LRRIQ1: variants seen among roughly 807,000 people sequenced by gnomAD.
LRRIQ1 encodes the protein leucine rich repeats and IQ motif containing 1, also known as leucine-rich repeat- and IQ domain-containing protein 1.
LRRIQ1 carries 210 observed loss-of-function variants against 211.9 expected under a neutral mutation model. The ratio of observed to expected loss-of-function variants is 0.99; its 90% CI spans 0.89 to 1.11. LRRIQ1 has a LOEUF of 1.11. Among genes scored for constraint, LRRIQ1 ranks in the 50% most tolerant of loss-of-function variants. The pLI, the probability that LRRIQ1 is intolerant of heterozygous loss-of-function variation, is 0.00. For missense variants in LRRIQ1, 2,136 were observed against 1,939.5 expected (o/e 1.10, Z -1.90); for synonymous variants, 699 against 650.1 (o/e 1.08, Z -1.14).
chr12:85,066,044 A>G (rs1882394273), intron 9 of LRRIQ1, among the ~76,000 whole-genome samples: 1 of 151,898 alleles, frequency 6.6e-6, no homozygotes, highest in African/African-American at 2.4e-5. Flanking sequence ...TTTATTGGCT[A>G]AGCCCTGAGG....
chr12:85,179,263 ACAAGCACTAC>A (rs1192419108), intron 24 of LRRIQ1, among the ~76,000 whole-genome samples: 2 of 151,966 alleles, frequency 1.3e-5, no homozygotes, highest in Non-Finnish European at 2.9e-5. Flanking sequence ...TTCCCTAAAT[ACAAGCACTAC>A]CTTCACATAT....
At chr12:85,066,476 T>C (rs888164172) in intron 9 of LRRIQ1, among the ~76,000 whole-genome samples, 1 of 151,842 alleles carries the variant, frequency 6.6e-6, no homozygotes, top group Non-Finnish European at 1.5e-5. Flanking sequence ...ATTAACTTTT[T>C]AAAATTTATA....
the LRRIQ1 span, among the ~76,000 whole-genome samples, chr12:85,270,067 G>A: frequency 2.0e-5 from 3 of 151,822 alleles, no homozygotes; most frequent in Non-Finnish European, 2.9e-5. Flanking sequence ...CTAATCTAAC[G>A]TTATTACCTC....
intron 17 of LRRIQ1, among the ~76,000 whole-genome samples, chr12:85,126,500 A>G (rs1329719221): frequency 1.3e-5 from 2 of 152,182 alleles, no homozygotes; most frequent in Non-Finnish European, 2.9e-5. Context: ...GAAGTAATGA[A>G]TGGATGATTG....
chr12:85,088,408 A>C (rs1003852488), intron 11 of LRRIQ1, among the ~76,000 whole-genome samples: 1 of 152,190 alleles, frequency 6.6e-6, no homozygotes, highest in Non-Finnish European at 1.5e-5. Flanking sequence ...CTTTTGGCTT[A>C]GGATTGTGTT....
chr12:85,219,204 T>A (rs1894290159), intron 24 of LRRIQ1, among the ~76,000 whole-genome samples: 1 of 152,102 alleles, frequency 6.6e-6, no homozygotes, highest in Non-Finnish European at 1.5e-5. Context: ...TATTTGGTAC[T>A]GCACAGTAAA....
downstream of LRRIQ1, among the ~76,000 whole-genome samples, chr12:85,246,344 C>A (rs2137283120): frequency 6.6e-6 from 1 of 151,224 alleles, no homozygotes; most frequent in East Asian, 1.9e-4. Flanking sequence ...CAGAAGTAAT[C>A]AGCCTGTGTC....
intron 18 of LRRIQ1, among the ~76,000 whole-genome samples, chr12:85,132,428 C>T (rs1439508157): frequency 1.3e-5 from 2 of 151,960 alleles, no homozygotes; most frequent in South Asian, 2.1e-4. Flanking sequence ...AGGGAGAAGG[C>T]GTTCTGAAAG....
At chr12:85,230,913 G>A (rs921099585) in intron 25 of LRRIQ1, among the ~76,000 whole-genome samples, 23 of 152,136 alleles carry the variant, frequency 1.5e-4, no homozygotes, top group Admixed American at 1.5e-3. Context: ...GCCGGGCGCG[G>A]TAGGGGGCGC....
At chr12:85,248,127 G>A (rs567729591), downstream of LRRIQ1, among the ~76,000 whole-genome samples, 12 of 151,560 alleles carry the variant, frequency 7.9e-5, no homozygotes, top group African/African-American at 2.7e-4. Flanking sequence ...CTTAAAGTAT[G>A]CATTGCAATA....
chr12:85,255,307 C>T (rs555507876), intron 1 of LRRIQ1, among the ~76,000 whole-genome samples: 2 of 151,904 alleles, frequency 1.3e-5, no homozygotes, highest in African/African-American at 4.8e-5. Context: ...TACTTATAAA[C>T]TCTTCTAATA....
intron 24 of LRRIQ1, among the ~76,000 whole-genome samples, chr12:85,194,519 T>G (rs1208056734): frequency 3.6e-4 from 54 of 149,222 alleles, no homozygotes; most frequent in Non-Finnish European, 6.2e-4. Flanking sequence ...ATTAAGAATC[T>G]CACTCAAAAC....
intron 8 of LRRIQ1, among the ~76,000 whole-genome samples, chr12:85,061,400 A>T (rs1006204217): frequency 5.3e-5 from 8 of 151,732 alleles, no homozygotes; most frequent in African/African-American, 1.9e-4. Context: ...TTTTTTTTAA[A>T]TGTTCAATGA....
chr12:85,240,436 C>T (rs1293662597), intron 26 of LRRIQ1, among the ~76,000 whole-genome samples: 2 of 152,116 alleles, frequency 1.3e-5, no homozygotes, highest in African/African-American at 4.8e-5. Context: ...CATTCAGAAG[C>T]TTTATAAGCT....
At chr12:85,219,140 T>C (rs947561802) in intron 24 of LRRIQ1, among the ~76,000 whole-genome samples, 11 of 152,090 alleles carry the variant, frequency 7.2e-5, no homozygotes, top group African/African-American at 2.2e-4. Flanking sequence ...ACCTAGGATT[T>C]TCCTGAGTTA....
chr12:85,098,385 A>G lies in LRRIQ1; in HGVS notation c.2918A>G (p.Gln973Arg). ...CGLESLKNLQ[Q>R]LILDHNQLIN... is the part of the protein sequence containing the mutation. ...TTAGAATCTTTGAAAAATCTTCAAC[A>G]ACTAATTTTGGACCACAATCAGTTA... is the stretch of plus-strand genomic sequence containing the variant. Residue 973 changes from glutamine (Q) to arginine (R), a missense_variant, in exon 12 of 27, where the codon CAA becomes CGA. Physicochemically the swap from Gln to Arg is conservative, Grantham distance 43 (BLOSUM62 1). Coordinates refer to ENST00000393217, the MANE Select transcript of LRRIQ1 (RefSeq NM_001079910.2). The G allele has an allele frequency of 6.2e-7, 1 of 1,609,174 alleles. No homozygotes were observed. Among genetic ancestry groups the G allele is most frequent in the Non-Finnish European group, 8.5e-7 (1 of 1,177,642 alleles).
intron 24 of LRRIQ1, among the ~76,000 whole-genome samples, chr12:85,225,980 A>G (rs1461912237): frequency 6.6e-6 from 1 of 152,132 alleles, no homozygotes; most frequent in South Asian, 2.1e-4. Flanking sequence ...TTTCACCACT[A>G]TGCTTGTTCT....
At chr12:85,092,924 T>A (rs2136238965) in intron 11 of LRRIQ1, among the ~76,000 whole-genome samples, 1 of 152,282 alleles carries the variant, frequency 6.6e-6, no homozygotes, top group East Asian at 1.9e-4. Flanking sequence ...GAGGCTGCAG[T>A]TTAAAAGATG....
chr12:85,233,194 C>T (rs1895028063), intron 26 of LRRIQ1, among the ~76,000 whole-genome samples: 1 of 151,862 alleles, frequency 6.6e-6, no homozygotes, highest in Non-Finnish European at 1.5e-5. Flanking sequence ...AATATTGAAG[C>T]TTTTGGTACA....
Sources: gnomAD v4.1 joint callset for allele counts (sites outside exome capture counted in the v4.1 genomes callset) on GRCh38, gnomAD v4.1.1 for gene constraint, MANE v1.5 for transcripts, NCBI Gene and HGNC (gene_info 2026-07-23, HGNC 2026-07-21) for gene names.